CLPB: variants seen among roughly 807,000 people sequenced by gnomAD.
The protein encoded by CLPB is mitochondrial disaggregase.
A neutral mutation model predicts 78.4 loss-of-function variants in CLPB; 40 were observed. The ratio of observed to expected loss-of-function variants is 0.51; its 90% CI spans 0.40 to 0.66. The LOEUF is 0.66. Among genes scored for constraint, CLPB ranks in the 30% least tolerant of loss-of-function variants. The pLI is 0.00. For missense variants in CLPB, 780 were observed against 886.9 expected (o/e 0.88, Z 1.53); for synonymous variants, 333 against 348.0 (o/e 0.96, Z 0.48).
At chr11:72,355,011 A>G (rs527403037) in intron 5 of CLPB, 137 of 152,288 alleles carry the variant, frequency 9.0e-4, no homozygotes, top group African/African-American at 3.3e-3. Context: ...GGTCAGTGAC[A>G]GTTTGCCTGA....
chr11:72,382,406 C>T (rs1029936554), intron 3 of CLPB, among the ~76,000 whole-genome samples: 4 of 152,354 alleles, frequency 2.6e-5, no homozygotes, highest in African/African-American at 9.6e-5. Context: ...AAGTCAATCC[C>T]AATGACTAAC....
At chr11:72,316,637 T>A (rs888403071) in intron 7 of CLPB, among the ~76,000 whole-genome samples, 4 of 152,164 alleles carry the variant, frequency 2.6e-5, no homozygotes, top group African/African-American at 9.7e-5. Context: ...TCTATAAAAT[T>A]AGGCCAGCTG....
chr11:72,300,114 C>T (rs935882732), intron 11 of CLPB, among the ~76,000 whole-genome samples: 7 of 152,160 alleles, frequency 4.6e-5, no homozygotes, highest in Non-Finnish European at 8.8e-5. Flanking sequence ...ATTCAAGCTG[C>T]AGGATCTAGA....
intron 4 of CLPB, among the ~76,000 whole-genome samples, chr11:72,368,763 A>G (rs1950989351): frequency 6.6e-6 from 1 of 152,188 alleles, no homozygotes; most frequent in African/African-American, 2.4e-5. Flanking sequence ...TGTGTCTTCA[A>G]CATGTCTTTA....
chr11:72,305,259 G>A (rs1949725688), intron 9 of CLPB, among the ~76,000 whole-genome samples: 1 of 152,222 alleles, frequency 6.6e-6, no homozygotes. Context: ...CCTTAGATAA[G>A]CCTAAGAATG....
At chr11:72,314,681 G>T (rs1167983105) in intron 7 of CLPB, among the ~76,000 whole-genome samples, 1 of 151,966 alleles carries the variant, frequency 6.6e-6, no homozygotes, top group East Asian at 1.9e-4. Flanking sequence ...GCAGTCAATT[G>T]CTCCTGAACT....
chr11:72,416,917 C>T (rs1856043554), intron 2 of CLPB, among the ~76,000 whole-genome samples: 1 of 152,074 alleles, frequency 6.6e-6, no homozygotes, highest in Non-Finnish European at 1.5e-5. Flanking sequence ...ACACTGATGA[C>T]AACAATTGTT....
At chr11:72,350,093 A>G (rs1950587805) in intron 5 of CLPB, among the ~76,000 whole-genome samples, 1 of 152,244 alleles carries the variant, frequency 6.6e-6, no homozygotes, top group African/African-American at 2.4e-5. Context: ...CTCGATGTCC[A>G]CAGGAGCCAG....
At chr11:72,359,104 T>A (rs1473103017) in intron 4 of CLPB, 96 bp from the exon 5 acceptor site, 1 of 1,577,526 alleles carries the variant, frequency 6.3e-7, no homozygotes, top group Admixed American at 1.7e-5. Context: ...CACTCACTCA[T>A]CTACCTACTT....
chr11:72,369,755 T>C (rs779121720), intron 4 of CLPB, among the ~76,000 whole-genome samples: 1 of 152,214 alleles, frequency 6.6e-6, no homozygotes, highest in Non-Finnish European at 1.5e-5. Context: ...TGGTCTCTTT[T>C]ATATAGTCTG....
intron 2 of CLPB, among the ~76,000 whole-genome samples, chr11:72,419,720 CT>C (rs1200138847): frequency 6.6e-6 from 1 of 152,192 alleles, no homozygotes; most frequent in African/African-American, 2.4e-5. Context: ...TAGATAAACT[CT>C]TCCTTATCCT....
At chr11:72,408,024 G>C in intron 2 of CLPB, 1 of 968,660 alleles carries the variant, frequency 1.0e-6, no homozygotes, top group Non-Finnish European at 1.6e-6. Context: ...GGTCCAATGA[G>C]GATCACAATC....
chr11:72,342,644 T>G (rs1320521491), intron 5 of CLPB, among the ~76,000 whole-genome samples: 1 of 152,050 alleles, frequency 6.6e-6, no homozygotes, highest in Non-Finnish European at 1.5e-5. Flanking sequence ...AGGCTCTGGA[T>G]AAAGCAGAGT....
chr11:72,310,786 G>A (rs1949831724), intron 7 of CLPB, among the ~76,000 whole-genome samples: 1 of 152,158 alleles, frequency 6.6e-6, no homozygotes, highest in African/African-American at 2.4e-5. Flanking sequence ...AGGGTATCAT[G>A]TACCTGGGGT....
At chr11:72,332,803 A>T (rs1214163721) in intron 5 of CLPB, 4 of 152,240 alleles carry the variant, frequency 2.6e-5, no homozygotes, top group Admixed American at 2.6e-4. Context: ...GCATGGCTGA[A>T]TAATACTCCA....
chr11:72,405,075 A>G (rs1051011801), intron 2 of CLPB, among the ~76,000 whole-genome samples: 5 of 152,212 alleles, frequency 3.3e-5, no homozygotes, highest in Non-Finnish European at 7.3e-5. Context: ...TCAGTCCAAG[A>G]GGCTAGAAAA....
rs1590871081 is a variant in CLPB, at chr11:72,380,203, G to T, written c.646+78C>A. 23 of 1,085,398 alleles carry T rather than the reference G, an allele frequency of 2.1e-5. No homozygotes were observed. The East Asian group carries it at 5.3e-4, about 25-fold the overall frequency. 67.2% of individuals were successfully genotyped at this position (1,085,398 alleles called of 1,614,324 possible). A position where few individuals can be genotyped will look rare whatever the true frequency, so the allele number is the denominator to read the frequency against. On this transcript the variant is annotated intron_variant, in intron 4 of 15. Coordinates refer to ENST00000538039, the MANE Select transcript of CLPB (RefSeq NM_001258392.3). ...AGGCTGTCACTCTGAGTTGCTGGTAGAGCTGACACCACAGAGCAAGGCTGC... is the reference window on the plus strand; with the variant it reads ...AGGCTGTCACTCTGAGTTGCTGGTATAGCTGACACCACAGAGCAAGGCTGC...
chr11:72,301,663 A>G, intron 11 of CLPB, 140 bp downstream of exon 11: 1 of 931,972 alleles, frequency 1.1e-6, no homozygotes, highest in African/African-American at 1.6e-5. Flanking sequence ...AGTTGCACCT[A>G]CTGGATGAAT....
intron 2 of CLPB, among the ~76,000 whole-genome samples, chr11:72,417,925 C>A (rs1388036338): frequency 6.6e-6 from 1 of 152,202 alleles, no homozygotes; most frequent in Non-Finnish European, 1.5e-5. Context: ...TGCTTTACAT[C>A]CTGCCCCAGT....
Sources: allele counts gnomAD v4.1 joint callset (sites outside exome capture counted in the v4.1 genomes callset), GRCh38; gene constraint gnomAD v4.1.1; transcripts MANE v1.5; gene names NCBI Gene and HGNC (gene_info 2026-07-23, HGNC 2026-07-21).